The following MTMR8 variants were observed in gnomAD, a reference collection of about 807,000 sequenced individuals.
The protein encoded by MTMR8 is phosphatidylinositol-3,5-bisphosphate 3-phosphatase MTMR8.
Under a neutral mutation model 39.3 loss-of-function variants are expected in MTMR8, and 65 were observed. That is an observed-to-expected ratio of 1.65 (90% CI 1.35 to 2.03). The LOEUF (loss-of-function observed/expected upper bound fraction) is 2.03. Ranked by LOEUF, MTMR8 falls within the 30% of genes most tolerant of loss-of-function variation. The pLI is 0.00. For synonymous variants in MTMR8, 245 were observed against 185.2 expected (o/e 1.32, Z -2.62); for missense variants, 777 against 538.9 (o/e 1.44, Z -4.37).
intron 12 of MTMR8, among the ~76,000 whole-genome samples, chrX:64,283,766 G>A (rs1206455182): frequency 8.9e-6 from 1 of 112,598 alleles, no homozygotes; most frequent in Admixed American, 9.4e-5. Flanking sequence ...TGATTGTCCT[G>A]ACTGTTAAAA....
chrX:64,275,417 C>A (rs1370032281), intron 12 of MTMR8, among the ~76,000 whole-genome samples: 1 of 109,461 alleles, frequency 9.1e-6, no homozygotes, highest in African/African-American at 3.3e-5. Context: ...GAGGTGGGGC[C>A]AGGTGCAGTG....
chrX:64,327,591 C>T (rs374358783), intron 12 of MTMR8, among the ~76,000 whole-genome samples: 117 of 112,146 alleles, frequency 1.0e-3, no homozygotes, highest in Non-Finnish European at 1.8e-3. Flanking sequence ...AATGTAAATT[C>T]GTACATTCAT....
chrX:64,324,016 A>C (rs1323364728), intron 12 of MTMR8, among the ~76,000 whole-genome samples: 1 of 112,894 alleles, frequency 8.9e-6, no homozygotes, highest in Non-Finnish European at 1.9e-5. Flanking sequence ...AAACATTTTA[A>C]AACCCAAGTA....
At chrX:64,300,096 C>T (rs1921794803) in intron 12 of MTMR8, among the ~76,000 whole-genome samples, 1 of 101,061 alleles carries the variant, frequency 9.9e-6, no homozygotes. Flanking sequence ...TCTATTAGGT[C>T]TGCTTGGTGC....
At chrX:64,318,652 A>G (rs1922539788) in intron 12 of MTMR8, among the ~76,000 whole-genome samples, 1 of 108,721 alleles carries the variant, frequency 9.2e-6, no homozygotes, top group African/African-American at 3.4e-5. Context: ...AGTAGGAAAA[A>G]TATGTTGACT....
intron 12 of MTMR8, among the ~76,000 whole-genome samples, chrX:64,308,320 ATT>A (rs778962275): frequency 8.0e-4 from 56 of 69,566 alleles, no homozygotes; most frequent in Middle Eastern, 9.8e-3. Context: ...ACGGCTGGCT[ATT>A]TTTTTTTTTT....
At chrX:64,321,377 G>T (rs962306089) in intron 12 of MTMR8, among the ~76,000 whole-genome samples, 1 of 111,735 alleles carries the variant, frequency 8.9e-6, no homozygotes, top group Non-Finnish European at 1.9e-5. Context: ...TCAATAAAGA[G>T]ACAGAAATAA....
At chrX:64,316,692 A>AT (rs767447819) in intron 12 of MTMR8, among the ~76,000 whole-genome samples, 16 of 110,935 alleles carry the variant, frequency 1.4e-4, no homozygotes, top group East Asian at 5.7e-4. Context: ...GCATTGATAT[A>AT]TTTTTTTTGG....
chrX:64,318,501 A>G (rs1922535135), intron 12 of MTMR8, among the ~76,000 whole-genome samples: 1 of 111,038 alleles, frequency 9.0e-6, no homozygotes. Flanking sequence ...TGAGGCAAAA[A>G]GAAAACCCAT....
intron 9 of MTMR8, among the ~76,000 whole-genome samples, chrX:64,336,724 G>A (rs1299514037): frequency 9.0e-6 from 1 of 111,376 alleles, no homozygotes; most frequent in Non-Finnish European, 1.9e-5. Context: ...TTGAACCCAG[G>A]AGGTGGAGGT....
chrX:64,367,343 C>T (rs1044538714), intron 1 of MTMR8, among the ~76,000 whole-genome samples: 3 of 111,853 alleles, frequency 2.7e-5, no homozygotes, highest in Admixed American at 1.9e-4. Flanking sequence ...TGATGAACAT[C>T]GATGCCAAAA....
intron 1 of MTMR8, chrX:64,360,390 CAA>C (rs60554048): frequency 0.027 from 4,804 of 176,374 alleles, no homozygotes; most frequent in East Asian, 0.036. Flanking sequence ...TCAAGCAGAC[CAA>C]AAAAAAAAAA....
At chrX:64,353,131 G>T (rs761037487) in intron 4 of MTMR8, among the ~76,000 whole-genome samples, 1 of 111,883 alleles carries the variant, frequency 8.9e-6, no homozygotes, top group East Asian at 2.8e-4. Context: ...AAATGGTTCT[G>T]GGAAAACTGG....
At chrX:64,351,319 C>T (rs1259017832) in intron 4 of MTMR8, among the ~76,000 whole-genome samples, 1 of 111,175 alleles carries the variant, frequency 9.0e-6, no homozygotes, top group African/African-American at 3.3e-5. Flanking sequence ...ACCTAGTAGA[C>T]ATTCAAAGCT....
At chrX:64,353,695 C>T (rs1175750531) in intron 4 of MTMR8, among the ~76,000 whole-genome samples, 3 of 111,540 alleles carry the variant, frequency 2.7e-5, no homozygotes, top group Non-Finnish European at 3.8e-5. Context: ...CACCTATAAT[C>T]CCAGCACTTT....
chrX:64,387,599 T>A (rs988695021), intron 1 of MTMR8, among the ~76,000 whole-genome samples: 4 of 109,162 alleles, frequency 3.7e-5, no homozygotes, highest in Non-Finnish European at 3.8e-5. Flanking sequence ...CTGTTTCTGA[T>A]ACAGTGTTAT....
intron 1 of MTMR8, among the ~76,000 whole-genome samples, chrX:64,381,814 C>T (rs143919799): frequency 0.11 from 12,590 of 111,101 alleles, 1,655 homozygotes; most frequent in African/African-American, 0.38. Flanking sequence ...TTTCAGCTTT[C>T]TACATATGGC....
intron 2 of MTMR8, among the ~76,000 whole-genome samples, chrX:64,357,697 G>A (rs961322373): frequency 9.0e-6 from 1 of 111,704 alleles, no homozygotes; most frequent in Non-Finnish European, 1.9e-5. Context: ...CAAACTGCTG[G>A]GATCACAGGT....
At position 64,268,748 on chromosome X, in the gene MTMR8, C is replaced by T. The variant is rs765008855; in HGVS notation, c.1904G>A (p.Gly635Asp). ...AAAGGTGCACATGTCTCCAGAGATG[C>T]CCATGGCCTCAGAGATGCCCACATC... ...SGDVGISEAM[G>D]ISGDMCTFEA... Residue 635 changes from glycine (G) to aspartate (D), a missense_variant, in exon 14 of 14, where the codon GGC (glycine) becomes GAC (aspartate). Gly to Asp is a moderately conservative substitution (Grantham distance 94, BLOSUM62 -1). Transcript: ENST00000374852. 1.3e-5 allele frequency: 16 copies of T among 1,209,780 alleles called. No homozygotes were observed. Among genetic ancestry groups the T allele is most frequent in the South Asian group, 3.5e-5 (2 of 56,760 alleles).
Sources: gnomAD v4.1 joint callset for allele counts (sites outside exome capture counted in the v4.1 genomes callset) on GRCh38, gnomAD v4.1.1 for gene constraint, MANE v1.5 for transcripts, NCBI Gene and HGNC (gene_info 2026-07-23, HGNC 2026-07-21) for gene names.